Variants in RABGAP1L observed in about 807,000 individuals in gnomAD.
RABGAP1L encodes RAB GTPase activating protein 1 like.
Under a neutral mutation model 137.7 loss-of-function variants are expected in RABGAP1L, and 63 were observed. The ratio of observed to expected loss-of-function variants is 0.46; its 90% CI spans 0.37 to 0.56. The LOEUF is 0.56. Ranked by LOEUF, RABGAP1L falls within the 20% of genes least tolerant of loss-of-function variation. The pLI is 0.00. For synonymous variants in RABGAP1L, 431 were observed against 433.7 expected (o/e 0.99, Z 0.08); for missense variants, 1,095 against 1,244.0 (o/e 0.88, Z 1.80).
chr1:174,364,180 T>C (rs920393156), intron 11 of RABGAP1L, among the ~76,000 whole-genome samples: 18 of 151,528 alleles, frequency 1.2e-4, no homozygotes, highest in Admixed American at 5.9e-4. Context: ...ATTCTTTACT[T>C]AGAGGCTTTA....
intron 11 of RABGAP1L, among the ~76,000 whole-genome samples, chr1:174,348,294 C>T (rs1249679351): frequency 1.4e-5 from 2 of 144,078 alleles, no homozygotes; most frequent in Non-Finnish European, 3.0e-5. Flanking sequence ...AAAGTAATCG[C>T]AGTTTTTGCC....
chr1:174,437,048 C>T (rs1003731395), intron 13 of RABGAP1L, among the ~76,000 whole-genome samples: 12 of 152,240 alleles, frequency 7.9e-5, no homozygotes, highest in African/African-American at 2.9e-4. Context: ...GAAAGGACAT[C>T]CACACCAAAA....
chr1:174,728,044 A>G lies in RABGAP1L; in HGVS notation c.2170-24269A>G, dbSNP rs775336165. On this transcript the variant is annotated intron_variant, in intron 17 of 25. Transcript: ENST00000681986. ...ATTTTGTCATTTCTACCAATGTTAT[A>G]CAGCAGTAACATTGCTGAGAGAAAT... 5.5e-4 allele frequency among the ~76,000 whole-genome samples: 84 copies of G among 152,244 alleles called. 1 individual carries two copies. Among genetic ancestry groups the G allele is most frequent in the Admixed American group, 7.2e-4 (11 of 15,284 alleles).
At position 174,834,380 on chromosome 1, in the gene RABGAP1L, G is replaced by A. The variant is rs909321842; in HGVS notation, c.2340+22420G>A. The stretch of plus-strand genomic sequence containing the variant: ...GGCGGAGGTTGCAGTGAGCCAAGAT[G>A]GCACCATTGCACTCCAGCCTGGGCA... On this transcript the variant is annotated intron_variant, in intron 19 of 25. Coordinates refer to ENST00000681986, the MANE Select transcript of RABGAP1L (RefSeq NM_001366446.1). 1.1e-4 allele frequency among the ~76,000 whole-genome samples: 16 copies of A among 151,434 alleles called. No homozygotes were observed. In the Middle Eastern group the frequency reaches 0.01, roughly 97 times the overall value.
At chr1:174,261,353 T>C (rs1388799583) in intron 7 of RABGAP1L, among the ~76,000 whole-genome samples, 1 of 152,220 alleles carries the variant, frequency 6.6e-6, no homozygotes, top group Non-Finnish European at 1.5e-5. Flanking sequence ...TCAGATCATG[T>C]AGTTTGATCA....
At chr1:174,579,207 G>C (rs912548123) in intron 13 of RABGAP1L, among the ~76,000 whole-genome samples, 1 of 152,046 alleles carries the variant, frequency 6.6e-6, no homozygotes. Context: ...TAGGTACAAA[G>C]GGATTTGATT....
intron 19 of RABGAP1L, among the ~76,000 whole-genome samples, chr1:174,839,644 A>C (rs1301067559): frequency 2.0e-5 from 3 of 152,244 alleles, no homozygotes; most frequent in African/African-American, 4.8e-5. Flanking sequence ...GGAAATGTGC[A>C]TTTAGCAAAA....
chr1:174,674,378 A>G (rs983690347), intron 14 of RABGAP1L, among the ~76,000 whole-genome samples: 3 of 150,060 alleles, frequency 2.0e-5, no homozygotes, highest in East Asian at 2.0e-4. Flanking sequence ...GAGAATGATG[A>G]TTTCCAATTT....
chr1:174,706,199 G>C (rs964218507), intron 17 of RABGAP1L, among the ~76,000 whole-genome samples: 1 of 152,140 alleles, frequency 6.6e-6, no homozygotes, highest in African/African-American at 2.4e-5. Context: ...TAGCAGAAAA[G>C]AGAAGAATTT....
chr1:174,507,783 T>C (rs768814007), intron 13 of RABGAP1L, among the ~76,000 whole-genome samples: 8 of 152,154 alleles, frequency 5.3e-5, no homozygotes, highest in Non-Finnish European at 1.0e-4. Context: ...TGGTAGATAA[T>C]AAAATATTGC....
rs187604013 is a variant in RABGAP1L, at chr1:174,677,141, G to A, written c.1825-6381G>A. ...ATTTGAGACCAGTCTAGGCAACATA[G>A]TGAGACCCCATCTCTACCAAAAAAA... On this transcript the variant is annotated intron_variant, in intron 14 of 25. Coordinates refer to ENST00000681986, the MANE Select transcript of RABGAP1L (RefSeq NM_001366446.1). Among the ~76,000 whole-genome samples the A allele has an allele frequency of 1.5e-3, 191 of 126,836 alleles. 1 individual carries two copies. The highest frequency in any genetic ancestry group is 6.6e-3 in the African/African-American group (179 of 27,284). 83.2% of individuals were successfully genotyped at this position (126,836 alleles called of 152,430 possible). A position where few individuals can be genotyped will look rare whatever the true frequency, so the allele number is the denominator to read the frequency against.
chr1:174,495,813 G>A (rs1660682034), intron 13 of RABGAP1L, among the ~76,000 whole-genome samples: 1 of 152,106 alleles, frequency 6.6e-6, no homozygotes, highest in South Asian at 2.1e-4. Context: ...AAAATCCCTA[G>A]CCACACATCA....
At position 174,993,109 on chromosome 1, in the gene RABGAP1L, G is replaced by C. The variant is rs541244311; in HGVS notation, c.*3108G>C. ...CTTTAAATCTGAAAGAAACCAAGCTGGATTTTGCAGTGCATATGTTTGCTA... is the reference window on the plus strand; with the variant it reads ...CTTTAAATCTGAAAGAAACCAAGCTCGATTTTGCAGTGCATATGTTTGCTA... On this transcript the variant is annotated 3_prime_UTR_variant, in exon 26 of 26. Transcript: ENST00000681986. The C allele has an allele frequency of 6.6e-6, 1 of 152,292 alleles. No individual in the cohort carries two copies. The highest frequency in any genetic ancestry group is 2.4e-5 in the African/African-American group (1 of 41,562). The allele number at this position is 152,292 out of a possible 1,614,324, so 9.4% of individuals were successfully genotyped here.
chr1:174,796,882 T>C (rs978488233), intron 18 of RABGAP1L, among the ~76,000 whole-genome samples: 1 of 151,966 alleles, frequency 6.6e-6, no homozygotes, highest in African/African-American at 2.4e-5. Flanking sequence ...TGGCACATGC[T>C]TGTAATTCCA....
At chr1:174,788,427 G>C (rs1687618592) in intron 18 of RABGAP1L, among the ~76,000 whole-genome samples, 1 of 152,132 alleles carries the variant, frequency 6.6e-6, no homozygotes, top group African/African-American at 2.4e-5. Flanking sequence ...ACACTGAAGA[G>C]GTATTTCTTC....
At chr1:174,552,340 A>G (rs549689189) in intron 13 of RABGAP1L, among the ~76,000 whole-genome samples, 13 of 152,092 alleles carry the variant, frequency 8.5e-5, no homozygotes, top group African/African-American at 2.4e-4. Context: ...TCCACCCTCC[A>G]AAAGGCCCCA....
intron 11 of RABGAP1L, among the ~76,000 whole-genome samples, chr1:174,325,787 G>A (rs1001297518): frequency 6.6e-5 from 10 of 152,166 alleles, no homozygotes; most frequent in Non-Finnish European, 1.0e-4. Flanking sequence ...AGCAGCAGCC[G>A]GTGTGTGGAA....
At chr1:174,539,124 C>A (rs550096359) in intron 13 of RABGAP1L, among the ~76,000 whole-genome samples, 1 of 152,026 alleles carries the variant, frequency 6.6e-6, no homozygotes, top group South Asian at 2.1e-4. Context: ...AATAAATTAC[C>A]TAATACTGGC....
At chr1:174,496,874 G>A (rs61826879) in intron 13 of RABGAP1L, among the ~76,000 whole-genome samples, 13,655 of 152,206 alleles carry the variant, frequency 0.09, 835 homozygotes, top group East Asian at 0.22. Context: ...TGGTAAATTT[G>A]TGACAACTGC....
Sources: allele counts gnomAD v4.1 joint callset (sites outside exome capture counted in the v4.1 genomes callset), GRCh38; gene constraint gnomAD v4.1.1; transcripts MANE v1.5; gene names NCBI Gene and HGNC (gene_info 2026-07-23, HGNC 2026-07-21).